Variants in ERAP2 observed in about 807,000 individuals in gnomAD.
The protein encoded by ERAP2 is leukocyte-derived arginine aminopeptidase.
In ERAP2, 118 loss-of-function variants were observed where a neutral mutation model predicts 111.1. The observed-to-expected ratio is 1.06, with a 90% CI of 0.92 to 1.24. The LOEUF (loss-of-function observed/expected upper bound fraction) is 1.24, where lower values mean the gene tolerates loss of function less well. ERAP2 is among the 50% of genes most tolerant of loss of function. The pLI is 0.00. For synonymous variants in ERAP2, 410 were observed against 401.2 expected (o/e 1.02, Z -0.26); for missense variants, 1,131 against 1,125.8 (o/e 1.00, Z -0.07).
At chr5:96,891,544 AC>A in intron 5 of ERAP2, among the ~76,000 whole-genome samples, 1 of 145,592 alleles carries the variant, frequency 6.9e-6, no homozygotes, top group African/African-American at 2.6e-5. Context: ...ATACACACAC[AC>A]ACACACACAC....
At position 96,913,378 on chromosome 5, in the gene ERAP2, C is replaced by A; in HGVS notation, c.2578C>A (p.His860Asn). The A allele has an allele frequency of 6.2e-7, 1 of 1,614,062 alleles. No homozygotes were observed. The highest frequency in any genetic ancestry group is 8.5e-7 in the Non-Finnish European group (1 of 1,179,950). Residue 860 changes from histidine (H) to asparagine (N), a missense_variant, in exon 17 of 19, where the codon CAT (histidine) becomes AAT (asparagine). Physicochemically the swap from His to Asn is moderately conservative, Grantham distance 68. Around this residue, in one of 3 missense-constraint regions of ERAP2, gnomAD observed 279 missense variants for 250.9 expected, o/e 1.11. Transcript: ENST00000437043. ...IKTQNLAALL[H>N]AIARRPKGQQ... ...GACACAGAACTTGGCAGCTCTCCTT[C>A]ATGCGATTGCCAGACGTCCAAAGGG...
chr5:96,909,553 CTG>C, intron 14 of ERAP2, 25 bp from the exon 15 acceptor site: 1 of 1,590,628 alleles, frequency 6.3e-7, no homozygotes. Flanking sequence ...TTTAGCCTCT[CTG>C]TTAACCATCT....
intron 15 of ERAP2, chr5:96,910,284 T>C (rs1399378172): frequency 1.3e-5 from 2 of 151,954 alleles, no homozygotes; most frequent in Non-Finnish European, 2.9e-5. Context: ...AAAAAAACTT[T>C]TCCTGTGCCA....
chr5:96,911,116 C>G (rs1344086547), intron 15 of ERAP2, among the ~76,000 whole-genome samples: 1 of 152,236 alleles, frequency 6.6e-6, no homozygotes, highest in Non-Finnish European at 1.5e-5. Flanking sequence ...TAAATCCCAT[C>G]TGCAAATGGC....
intron 13 of ERAP2, among the ~76,000 whole-genome samples, chr5:96,905,593 A>C (rs115636016): frequency 6.6e-6 from 1 of 152,204 alleles, no homozygotes; most frequent in South Asian, 2.1e-4. Flanking sequence ...CAATTTAAGA[A>C]TTAAAGGAGG....
chr5:96,892,825 C>T, intron 6 of ERAP2, among the ~76,000 whole-genome samples: 1 of 152,120 alleles, frequency 6.6e-6, no homozygotes, highest in East Asian at 1.9e-4. Flanking sequence ...CTCTGGCATT[C>T]CAATCTAGGG....
In ERAP2 at chr5:96,901,582, T is replaced by C; in HGVS notation, c.1649T>C (p.Leu550Pro). ...ACTCTCCAGAAAGGAATCCCCCTGC[T>C]GGTGGTTAAACAAGACGGGTGTTCA... ...TWTLQKGIPL[L>P]VVKQDGCSLR... Residue 550 changes from leucine to proline, a missense_variant, in exon 11 of 19, where the codon CTG becomes CCG. Physicochemically the swap from Leu to Pro is moderately conservative, Grantham distance 98. Coordinates refer to ENST00000437043, the MANE Select transcript of ERAP2 (RefSeq NM_022350.5). 6.2e-7 allele frequency: 1 copy of C among 1,614,136 alleles called. No individual in the cohort carries two copies. Among genetic ancestry groups the C allele is most frequent in the Non-Finnish European group, 8.5e-7 (1 of 1,179,990 alleles).
intron 4 of ERAP2, among the ~76,000 whole-genome samples, chr5:96,887,475 A>G (rs556615100): frequency 1.8e-4 from 27 of 152,084 alleles, no homozygotes; most frequent in African/African-American, 6.5e-4. Context: ...TAATTTTTGT[A>G]TATTTGTAGA....
intron 17 of ERAP2, 76 bp downstream of exon 17, chr5:96,913,533 T>C (rs1787036240): frequency 6.6e-7 from 1 of 1,517,138 alleles, no homozygotes; most frequent in Admixed American, 1.8e-5. Flanking sequence ...TGTAATCAAA[T>C]GTTTCTCAAA....
At chr5:96,894,046 G>T (rs2247650) in intron 6 of ERAP2, among the ~76,000 whole-genome samples, 82,660 of 152,034 alleles carry the variant, frequency 0.54, 22,541 homozygotes, top group South Asian at 0.59. Context: ...CAAAGACATT[G>T]ATCTTAGCAC....
At chr5:96,900,880 T>C (rs1234301661) in intron 10 of ERAP2, among the ~76,000 whole-genome samples, 1 of 152,104 alleles carries the variant, frequency 6.6e-6, no homozygotes, top group African/African-American at 2.4e-5. Context: ...GGTTTCACCA[T>C]GTAGGCCAGA....
intron 16 of ERAP2, 30 bp downstream of exon 16, chr5:96,912,828 T>G: frequency 6.4e-7 from 1 of 1,555,338 alleles, no homozygotes; most frequent in Non-Finnish European, 8.7e-7. Context: ...TAAATTGTTA[T>G]AAGTAAACTG....
chr5:96,896,742 T>C lies in ERAP2; in HGVS notation c.1382T>C (p.Ile461Thr), dbSNP rs1211612046. 6 of 1,578,936 alleles carry C rather than the reference T, an allele frequency of 3.8e-6. No individual in the cohort carries two copies. The African/African-American group carries it at 8.3e-5, about 22-fold the overall frequency. ...DEVSYNKGAC[I>T]LNMLKDFLGE... Reference sequence around the variant, plus strand: ...TGTTTTTTTTTAAAGGGAGCTTGTATTTTGAATATGCTCAAGGATTTTCTG... The same window carrying C: ...TGTTTTTTTTTAAAGGGAGCTTGTACTTTGAATATGCTCAAGGATTTTCTG... The change falls in exon 9 of 19, where the codon ATT (isoleucine) becomes ACT (threonine). Residue 461 changes from isoleucine to threonine, a missense_variant. This residue lies in a region of ERAP2 where 847 missense variants were observed against 856.5 expected (regional missense o/e 0.99). Coordinates refer to ENST00000437043, the MANE Select transcript of ERAP2 (RefSeq NM_022350.5).
chr5:96,910,179 T>G (rs1786556845), intron 15 of ERAP2: 1 of 160,780 alleles, frequency 6.2e-6, no homozygotes, highest in Non-Finnish European at 1.4e-5. Context: ...GTGGGAGAAT[T>G]GCTTGAACCT....
At chr5:96,879,324 A>G (rs1308279696) in intron 1 of ERAP2, among the ~76,000 whole-genome samples, 1 of 152,256 alleles carries the variant, frequency 6.6e-6, no homozygotes, top group Non-Finnish European at 1.5e-5. Flanking sequence ...CTGCACAAGA[A>G]TTCAGAAGAA....
intron 4 of ERAP2, among the ~76,000 whole-genome samples, chr5:96,887,735 T>G (rs1408615017): frequency 6.6e-6 from 1 of 152,220 alleles, no homozygotes; most frequent in Non-Finnish European, 1.5e-5. Context: ...CAAACATCAG[T>G]GAACACATTA....
At position 96,912,680 on chromosome 5, in the gene ERAP2, C is replaced by T. The variant is rs1284391366; in HGVS notation, c.2398C>T (p.Gln800Ter). Reference protein sequence around the residue: ...VLKIVYSVGAQTTAGWNYLLE... With the variant: ...VLKIVYSVGA ...AAAGATTGTGTATTCTGTGGGTGCT[C>T]AGACAACAGCAGGATGGAATTACCT... Residue 800 changes from glutamine to a stop codon, truncating the protein, a stop_gained, in exon 16 of 19, where the codon CAG becomes TAG. Transcript: ENST00000437043. LOFTEE classifies it high-confidence loss of function. 1.2e-6 allele frequency: 2 copies of T among 1,610,190 alleles called. No homozygotes were observed. Among genetic ancestry groups the T allele is most frequent in the African/African-American group, 1.3e-5 (1 of 74,600 alleles).
At chr5:96,909,318 C>T (rs1393005841) in intron 14 of ERAP2, among the ~76,000 whole-genome samples, 1 of 152,176 alleles carries the variant, frequency 6.6e-6, no homozygotes, top group Admixed American at 6.5e-5. Context: ...ATGTGCAAAA[C>T]ATCTCTACTA....
At chr5:96,880,621 A>G (rs1783025706) in intron 2 of ERAP2, among the ~76,000 whole-genome samples, 1 of 152,222 alleles carries the variant, frequency 6.6e-6, no homozygotes, top group African/African-American at 2.4e-5. Flanking sequence ...TGTAAGTGAG[A>G]CTGGGATTGG....
Sources: allele counts gnomAD v4.1 joint callset (sites outside exome capture counted in the v4.1 genomes callset), GRCh38; gene constraint gnomAD v4.1.1; regional missense constraint gnomAD v4.1.1; transcripts MANE v1.5; gene names NCBI Gene and HGNC (gene_info 2026-07-23, HGNC 2026-07-21).